The following CAMTA1 variants were observed in gnomAD, a reference collection of about 807,000 sequenced individuals.
The protein encoded by CAMTA1 is calmodulin binding transcription activator 1, also known as calmodulin-binding transcription activator 1.
A neutral mutation model predicts 170.9 loss-of-function variants in CAMTA1; 27 were observed. That is an observed-to-expected ratio of 0.16 (90% CI 0.12 to 0.22). The LOEUF is 0.22. Among genes scored for constraint, CAMTA1 ranks in the 10% least tolerant of loss-of-function variants. The pLI, the probability that CAMTA1 is intolerant of heterozygous loss-of-function variation, is 1.00. For synonymous variants in CAMTA1, 833 were observed against 891.5 expected (o/e 0.93, Z 1.17); for missense variants, 1,619 against 2,217.2 (o/e 0.73, Z 5.42).
chr1:7,563,465 C>T (rs2094989868), intron 6 of CAMTA1, among the ~76,000 whole-genome samples: 1 of 152,196 alleles, frequency 6.6e-6, no homozygotes, highest in Non-Finnish European at 1.5e-5. Context: ...CTTCTGTTCC[C>T]ACTCGGGCCC....
intron 3 of CAMTA1, among the ~76,000 whole-genome samples, chr1:6,830,718 T>G (rs1250619050): frequency 6.6e-6 from 1 of 152,082 alleles, no homozygotes; most frequent in African/African-American, 2.4e-5. Context: ...ATTCAATGAG[T>G]TTTTGACAAG....
intron 12 of CAMTA1, among the ~76,000 whole-genome samples, chr1:7,735,620 G>A (rs957500255): frequency 2.6e-5 from 4 of 152,184 alleles, no homozygotes; most frequent in Non-Finnish European, 4.4e-5. Flanking sequence ...TCCCCAAGAC[G>A]AATCGGCATG....
intron 7 of CAMTA1, among the ~76,000 whole-genome samples, chr1:7,652,902 T>G (rs550677257): frequency 6.6e-6 from 1 of 152,310 alleles, no homozygotes; most frequent in African/African-American, 2.4e-5. Flanking sequence ...ACCTGCTGTG[T>G]GACCTTGGGC....
intron 3 of CAMTA1, among the ~76,000 whole-genome samples, chr1:7,061,871 A>G (rs937314487): frequency 2.6e-5 from 4 of 152,256 alleles, no homozygotes; most frequent in South Asian, 2.1e-4. Flanking sequence ...AAGGCCATGA[A>G]GAGTGAGCAG....
At position 7,290,695 on chromosome 1, in the gene CAMTA1, C is replaced by G. The variant is rs140005337; in HGVS notation, c.438+41069C>G. ...TACTTGCTGCGACGTAAATTATTCTCATTTTATTATTATTACCATCATCAT... is the reference window on the plus strand; with the variant it reads ...TACTTGCTGCGACGTAAATTATTCTGATTTTATTATTATTACCATCATCAT... On this transcript the variant is annotated intron_variant, in intron 5 of 22. Transcript: ENST00000303635. 2.3e-3 allele frequency among the ~76,000 whole-genome samples: 349 copies of G among 152,250 alleles called. 1 individual carries two copies. Among genetic ancestry groups the G allele is most frequent in the African/African-American group, 8.1e-3 (338 of 41,528 alleles).
Position 7,732,729 on chromosome 1 carries a change from A to G in CAMTA1, c.3066+130A>G. The G allele has an allele frequency of 1.6e-6, 2 of 1,289,734 alleles. No individual in the cohort carries two copies. Among genetic ancestry groups the G allele is most frequent in the South Asian group, 3.1e-5 (2 of 63,830 alleles). The allele number at this position is 1,289,734 out of a possible 1,614,324, so 79.9% of individuals were successfully genotyped here. On this transcript the variant is annotated intron_variant, in intron 12 of 22. Transcript: ENST00000303635. This position sits in a 1 kb window ranked among gnomAD's most constrained non-coding sequence, Gnocchi z 4.1. ...TGTATTCAGGCAGAAGGCCTGAGGGAGTACTTTACGGTACCTGTGCTTTTA... is the reference window on the plus strand; with the variant it reads ...TGTATTCAGGCAGAAGGCCTGAGGGGGTACTTTACGGTACCTGTGCTTTTA...
intron 5 of CAMTA1, among the ~76,000 whole-genome samples, chr1:7,461,641 C>T (rs186063262): frequency 6.6e-6 from 1 of 152,388 alleles, no homozygotes; most frequent in East Asian, 1.9e-4. Flanking sequence ...GCTGGCCTCA[C>T]ATTTTCCCAG....
intron 3 of CAMTA1, among the ~76,000 whole-genome samples, chr1:6,946,394 A>G: frequency 6.6e-6 from 1 of 152,158 alleles, no homozygotes; most frequent in Middle Eastern, 3.4e-3. Context: ...AGGTCTTGCT[A>G]TACTGCCAAG....
At chr1:6,788,899 T>C (rs139798254) in intron 1 of CAMTA1, among the ~76,000 whole-genome samples, 1 of 152,188 alleles carries the variant, frequency 6.6e-6, no homozygotes, top group African/African-American at 2.4e-5. Flanking sequence ...TCCTTTTACC[T>C]TGTAGTGCAG....
intron 7 of CAMTA1, among the ~76,000 whole-genome samples, chr1:7,647,170 C>T (rs2095812917): frequency 6.6e-6 from 1 of 152,144 alleles, no homozygotes; most frequent in African/African-American, 2.4e-5. Context: ...AGCCTCCCTC[C>T]CTCTGTTCCG....
At chr1:7,083,701 G>A (rs1640339000) in intron 3 of CAMTA1, among the ~76,000 whole-genome samples, 1 of 152,180 alleles carries the variant, frequency 6.6e-6, no homozygotes, top group Non-Finnish European at 1.5e-5. Flanking sequence ...TTTGTCAAGT[G>A]CAGCGAGTGG....
At chr1:6,815,788 G>A (rs929669472) in intron 1 of CAMTA1, among the ~76,000 whole-genome samples, 1 of 152,138 alleles carries the variant, frequency 6.6e-6, no homozygotes, top group African/African-American at 2.4e-5. Context: ...GGCATCACCT[G>A]GGGGCTTGTT....
intron 7 of CAMTA1, among the ~76,000 whole-genome samples, chr1:7,659,156 C>T (rs2095932094): frequency 2.6e-5 from 4 of 152,206 alleles, no homozygotes; most frequent in Middle Eastern, 3.2e-3. Flanking sequence ...CCGGGTCAGG[C>T]GACAGCACAC....
At chr1:7,612,821 G>T (rs900090105) in intron 6 of CAMTA1, among the ~76,000 whole-genome samples, 1 of 152,220 alleles carries the variant, frequency 6.6e-6, no homozygotes, top group African/African-American at 2.4e-5. Context: ...CCCTTTGCAG[G>T]TTAAGAGGGC....
intron 5 of CAMTA1, among the ~76,000 whole-genome samples, chr1:7,381,662 A>C (rs866444338): frequency 1.1e-4 from 17 of 150,700 alleles, no homozygotes; most frequent in African/African-American, 3.9e-4. Context: ...TCCTTTGGGT[A>C]TATACCCAGT....
At chr1:7,312,918 C>T (rs1336597574) in intron 5 of CAMTA1, among the ~76,000 whole-genome samples, 1 of 152,012 alleles carries the variant, frequency 6.6e-6, no homozygotes, top group Non-Finnish European at 1.5e-5. Context: ...AGTGTTTGGT[C>T]AACTATTTTT....
intron 3 of CAMTA1, among the ~76,000 whole-genome samples, chr1:6,904,337 A>G (rs1395699811): frequency 2.6e-5 from 4 of 152,176 alleles, no homozygotes; most frequent in African/African-American, 9.7e-5. Flanking sequence ...GCCCTGGGAC[A>G]CCGTCTTCCT....
At chr1:6,846,331 A>G (rs1007451296) in intron 3 of CAMTA1, among the ~76,000 whole-genome samples, 1 of 152,244 alleles carries the variant, frequency 6.6e-6, no homozygotes, top group South Asian at 2.1e-4. Context: ...ATCTCAAACT[A>G]TTGGAAAATG....
chr1:7,361,657 T>C (rs921036124), intron 5 of CAMTA1, among the ~76,000 whole-genome samples: 4 of 152,248 alleles, frequency 2.6e-5, no homozygotes, highest in Non-Finnish European at 5.9e-5. Context: ...CAATAAATAT[T>C]AACCTGGAAG....
Sources: allele counts gnomAD v4.1 joint callset (sites outside exome capture counted in the v4.1 genomes callset), GRCh38; gene constraint gnomAD v4.1.1; non-coding constraint Gnocchi (gnomAD v3.1); transcripts MANE v1.5; gene names NCBI Gene and HGNC (gene_info 2026-07-23, HGNC 2026-07-21).